The following FOCAD variants were observed in gnomAD, a reference collection of about 807,000 sequenced individuals.
FOCAD encodes the protein focadhesin.
FOCAD carries 198 observed loss-of-function variants against 225.6 expected under a neutral mutation model. The ratio of observed to expected loss-of-function variants is 0.88; its 90% CI spans 0.78 to 0.99. FOCAD has a LOEUF of 0.99. FOCAD is among the 50% of genes least tolerant of loss of function. The pLI is 0.00. For missense variants in FOCAD, 2,713 were observed against 2,123.6 expected (o/e 1.28, Z -5.46); for synonymous variants, 897 against 755.0 (o/e 1.19, Z -3.08).
At chr9:20,875,293 A>G (rs965774286) in intron 19 of FOCAD, 4 of 155,764 alleles carry the variant, frequency 2.6e-5, no homozygotes, top group Non-Finnish European at 5.7e-5. Flanking sequence ...TAAAAGATGG[A>G]TCAAATTGTA....
At chr9:20,660,846 A>G (rs961381851) in intron 2 of FOCAD, among the ~76,000 whole-genome samples, 1 of 152,134 alleles carries the variant, frequency 6.6e-6, no homozygotes, top group Non-Finnish European at 1.5e-5. Context: ...TAAAAGAAGA[A>G]TTATGGCAGA....
At chr9:20,936,309 T>G (rs1333344988) in intron 28 of FOCAD, among the ~76,000 whole-genome samples, 1 of 152,244 alleles carries the variant, frequency 6.6e-6, no homozygotes, top group African/African-American at 2.4e-5. Context: ...TACAGCTACA[T>G]TCATACTTTC....
intron 35 of FOCAD, among the ~76,000 whole-genome samples, chr9:20,959,796 TC>T (rs1838534615): frequency 1.3e-5 from 2 of 152,300 alleles, no homozygotes; most frequent in East Asian, 3.9e-4. Flanking sequence ...GACTGTCCTT[TC>T]CCCACTGAGT....
chr9:20,926,617 C>G (rs1834974299), intron 26 of FOCAD, among the ~76,000 whole-genome samples, 200 bp downstream of exon 26: 1 of 151,982 alleles, frequency 6.6e-6, no homozygotes. Context: ...AACCGCATCT[C>G]TACTAAAAAC....
At chr9:20,671,623 G>C (rs1822066948) in intron 2 of FOCAD, among the ~76,000 whole-genome samples, 1 of 152,130 alleles carries the variant, frequency 6.6e-6, no homozygotes. Context: ...TAAAAGAGGA[G>C]AGATTAAAAA....
At chr9:20,982,701 T>C (rs1840809059) in intron 39 of FOCAD, among the ~76,000 whole-genome samples, 1 of 152,218 alleles carries the variant, frequency 6.6e-6, no homozygotes, top group Admixed American at 6.5e-5. Context: ...GTCCTTCACC[T>C]GATCCTATCC....
rs559039666 is a variant in FOCAD, at chr9:20,990,463, C to T, written c.5256+89C>T. On this transcript the variant is annotated intron_variant, in intron 42 of 43. Transcript: ENST00000338382. The stretch of plus-strand genomic sequence containing the variant: ...GTAGAATTGAGGTGGGAGTTAAGTG[C>T]GTCTTGAATCACACCACAGACTTTC... 1.2e-4 allele frequency: 176 copies of T among 1,439,198 alleles called. 1 individual carries two copies. The East Asian group carries it at 3.7e-3, about 30-fold the overall frequency. 89.2% of individuals were successfully genotyped at this position (1,439,198 alleles called of 1,614,324 possible). A position where few individuals can be genotyped will look rare whatever the true frequency, so the allele number is the denominator to read the frequency against.
At chr9:20,674,561 C>A (rs941524556) in intron 2 of FOCAD, among the ~76,000 whole-genome samples, 1 of 152,188 alleles carries the variant, frequency 6.6e-6, no homozygotes, top group African/African-American at 2.4e-5. Context: ...CCCCTAGCAA[C>A]CCTTGCTGAG....
At chr9:20,712,272 C>G (rs1161402132) in intron 1 of FOCAD, among the ~76,000 whole-genome samples, 1 of 152,110 alleles carries the variant, frequency 6.6e-6, no homozygotes, top group Non-Finnish European at 1.5e-5. Context: ...GCAGCTCTAT[C>G]TTTTCTTTTT....
At chr9:20,710,794 T>G (rs1217083693) in intron 1 of FOCAD, among the ~76,000 whole-genome samples, 1 of 152,232 alleles carries the variant, frequency 6.6e-6, no homozygotes, top group Non-Finnish European at 1.5e-5. Flanking sequence ...TCATTTATTT[T>G]GTTTATTTAC....
chr9:20,935,541 C>T (rs1304016537), intron 28 of FOCAD, among the ~76,000 whole-genome samples: 2 of 152,176 alleles, frequency 1.3e-5, no homozygotes, highest in Non-Finnish European at 2.9e-5. Flanking sequence ...GCTGGCATTA[C>T]AGGCATACAT....
chr9:20,862,798 CTGT>C lies in FOCAD; in HGVS notation c.2055+106_2055+108del, dbSNP rs142288658. 1.6e-3 allele frequency: 2,257 copies of C among 1,435,420 alleles called. 1 individual carries two copies. Among genetic ancestry groups the C allele is most frequent in the South Asian group, 3.1e-3 (224 of 71,900 alleles). 88.9% of individuals were successfully genotyped at this position (1,435,420 alleles called of 1,614,324 possible). On this transcript the variant is annotated intron_variant, in intron 16 of 43. Transcript: ENST00000338382. The stretch of plus-strand genomic sequence containing the variant: ...AACTTTTGGAATAAATATTCCTAAT[CTGT>C]TGTTGTTGTTGTTGTTGTTCTGAGA...
intron 11 of FOCAD, among the ~76,000 whole-genome samples, chr9:20,795,079 C>A (rs1820911962): frequency 6.6e-6 from 1 of 151,970 alleles, no homozygotes; most frequent in South Asian, 2.1e-4. Context: ...GACCTAAAAT[C>A]CTAGCTAATT....
At chr9:20,735,692 GTTT>G (rs111699762) in intron 4 of FOCAD, among the ~76,000 whole-genome samples, 1 of 141,376 alleles carries the variant, frequency 7.1e-6, no homozygotes. Flanking sequence ...ATTTTTTAAG[GTTT>G]TTTTTTTTTT....
At position 20,729,969 on chromosome 9, in the gene FOCAD, CAATAATAAT is replaced by C. The variant is rs796896657; in HGVS notation, c.287+9437_287+9445del. Among the ~76,000 whole-genome samples the C allele has an allele frequency of 7.9e-5, 12 of 152,206 alleles. 1 individual carries two copies. The highest frequency in any genetic ancestry group is 2.9e-4 in the African/African-American group (12 of 41,536). On this transcript the variant is annotated intron_variant, in intron 4 of 43. Coordinates refer to ENST00000338382, the MANE Select transcript of FOCAD (RefSeq NM_001375567.1). ...AATTATAAATTATCTCTCTAAACAG[CAATAATAAT>C]AGAAACAACCACTGCTTTGTTTTCT...
At chr9:20,906,474 G>C (rs1407945297) in intron 21 of FOCAD, among the ~76,000 whole-genome samples, 3 of 152,008 alleles carry the variant, frequency 2.0e-5, no homozygotes, top group Non-Finnish European at 4.4e-5. Flanking sequence ...GGGAAGATTT[G>C]TTGCAAGATA....
At chr9:20,865,634 G>T (rs1312096338) in intron 16 of FOCAD, among the ~76,000 whole-genome samples, 3 of 152,078 alleles carry the variant, frequency 2.0e-5, no homozygotes, top group Non-Finnish European at 4.4e-5. Flanking sequence ...ACAGTGGCAT[G>T]AAAGAGTGAC....
intron 23 of FOCAD, among the ~76,000 whole-genome samples, chr9:20,914,025 G>A (rs1399402745): frequency 6.6e-6 from 1 of 151,626 alleles, no homozygotes; most frequent in Non-Finnish European, 1.5e-5. Context: ...AGCACTTTGG[G>A]AGGCCAAGGC....
At chr9:20,909,272 T>C (rs1833238685) in intron 22 of FOCAD, among the ~76,000 whole-genome samples, 1 of 152,026 alleles carries the variant, frequency 6.6e-6, no homozygotes, top group Non-Finnish European at 1.5e-5. Context: ...ACCCCATGTA[T>C]AATGGGATTA....
Sources: gnomAD v4.1 joint callset for allele counts (sites outside exome capture counted in the v4.1 genomes callset) on GRCh38, gnomAD v4.1.1 for gene constraint, MANE v1.5 for transcripts, NCBI Gene and HGNC (gene_info 2026-07-23, HGNC 2026-07-21) for gene names.